The following MTHFD2L variants were observed in gnomAD, a reference collection of about 807,000 sequenced individuals.
MTHFD2L encodes the protein bifunctional methylenetetrahydrofolate dehydrogenase/cyclohydrolase 2, mitochondrial.
Under a neutral mutation model 34.9 loss-of-function variants are expected in MTHFD2L, and 29 were observed. That is an observed-to-expected ratio of 0.83 (90% CI 0.62 to 1.13). The LOEUF (loss-of-function observed/expected upper bound fraction) is 1.13. MTHFD2L is among the 50% of genes most tolerant of loss of function. MTHFD2L has a pLI of 0.00. For missense variants in MTHFD2L, 481 were observed against 446.5 expected (o/e 1.08, Z -0.70); for synonymous variants, 167 against 155.7 (o/e 1.07, Z -0.54).
rs1337145428 is a variant in MTHFD2L, at chr4:74,205,284, G to A, written c.712+3914G>A. On this transcript the variant is annotated intron_variant, in intron 5 of 7. Transcript: ENST00000325278. The stretch of plus-strand genomic sequence containing the variant: ...GTGTCTGTTAGGGCAATAATTATGG[G>A]CAGTGACTCCATGTGCATTGTTAGC... Among the ~76,000 whole-genome samples, 8 of 152,242 alleles carry A rather than the reference G, an allele frequency of 5.3e-5. No individual in the cohort carries two copies. The East Asian group carries it at 1.5e-3, about 29-fold the overall frequency.
chr4:74,173,487 G>A (rs552454174), intron 1 of MTHFD2L, among the ~76,000 whole-genome samples: 2 of 152,188 alleles, frequency 1.3e-5, no homozygotes, highest in East Asian at 3.8e-4. Context: ...TGACAAGCAT[G>A]GCAAGACTCA....
At chr4:74,130,142 A>G (rs1331644816) in intron 1 of MTHFD2L, among the ~76,000 whole-genome samples, 1 of 152,190 alleles carries the variant, frequency 6.6e-6, no homozygotes, top group Admixed American at 6.6e-5. Context: ...TTCACAGCCG[A>G]ATTCTACCAG....
intron 1 of MTHFD2L, among the ~76,000 whole-genome samples, chr4:74,144,059 G>C (rs961921199): frequency 6.6e-6 from 1 of 152,120 alleles, no homozygotes; most frequent in Non-Finnish European, 1.5e-5. Context: ...TGTGTATACT[G>C]CTCTGTATCC....
At chr4:74,298,870 T>C (rs1749952491) in intron 7 of MTHFD2L, among the ~76,000 whole-genome samples, 1 of 152,004 alleles carries the variant, frequency 6.6e-6, no homozygotes, top group Non-Finnish European at 1.5e-5. Flanking sequence ...GGTGAAATTA[T>C]GGGATTATAG....
intron 6 of MTHFD2L, among the ~76,000 whole-genome samples, chr4:74,255,972 C>G (rs1743975356): frequency 2.0e-5 from 3 of 152,110 alleles, no homozygotes. Flanking sequence ...GAGTATATGT[C>G]TTTTTACTAG....
In MTHFD2L at chr4:74,301,718, T is replaced by G. The variant is rs899108323; in HGVS notation, c.953T>G (p.Phe318Cys). Residue 318 changes from phenylalanine (F) to cysteine (C), a missense_variant, in exon 8 of 8, where the codon TTT (phenylalanine) becomes TGT (cysteine). Physicochemically the swap from Phe to Cys is radical, Grantham distance 205 (BLOSUM62 -2). Coordinates refer to ENST00000325278, the MANE Select transcript of MTHFD2L (RefSeq NM_001144978.3). The stretch of plus-strand genomic sequence containing the variant: ...TCAGCTGTTAAAAAGAAAGCTGGCT[T>G]TATCACTCCAGTTCCAGGAGGTGTG... ...DFEAVKKKAG[F>C]ITPVPGGVGP... 2.5e-6 allele frequency: 4 copies of G among 1,590,776 alleles called. No individual in the cohort carries two copies. In the Admixed American group the frequency reaches 7.1e-5, roughly 28 times the overall value.
intron 6 of MTHFD2L, chr4:74,267,266 A>G: frequency 1.0e-6 from 1 of 979,644 alleles, no homozygotes; most frequent in Non-Finnish European, 1.2e-6. Context: ...TGCAGGAAAT[A>G]CATTTCTTTT....
intron 1 of MTHFD2L, among the ~76,000 whole-genome samples, chr4:74,133,027 T>A (rs189753141): frequency 6.6e-6 from 1 of 152,324 alleles, no homozygotes; most frequent in East Asian, 1.9e-4. Context: ...ATGTTAGCAT[T>A]TTTTAATTTC....
chr4:74,247,348 G>A (rs1371236836), intron 6 of MTHFD2L, among the ~76,000 whole-genome samples: 3 of 151,156 alleles, frequency 2.0e-5, no homozygotes, highest in Non-Finnish European at 4.4e-5. Flanking sequence ...AGACTTTGCT[G>A]AATTTGCTTA....
At chr4:74,181,690 C>A (rs890990761) in intron 3 of MTHFD2L, 3 of 152,128 alleles carry the variant, frequency 2.0e-5, no homozygotes, top group Non-Finnish European at 2.9e-5. Flanking sequence ...CTTCAGTTGT[C>A]TAGTTTGAAG....
chr4:74,210,482 G>T (rs1053127224), intron 5 of MTHFD2L, among the ~76,000 whole-genome samples: 2 of 152,066 alleles, frequency 1.3e-5, no homozygotes, highest in Non-Finnish European at 2.9e-5. Flanking sequence ...TGTCAGGTTT[G>T]TCATAGATCA....
At chr4:74,295,778 C>T (rs1009344689) in intron 7 of MTHFD2L, among the ~76,000 whole-genome samples, 2 of 152,068 alleles carry the variant, frequency 1.3e-5, no homozygotes, top group African/African-American at 4.8e-5. Context: ...ACAGTGTTTC[C>T]AAGAGTTCAG....
At chr4:74,232,634 G>A (rs368656672) in intron 6 of MTHFD2L, among the ~76,000 whole-genome samples, 12 of 152,200 alleles carry the variant, frequency 7.9e-5, no homozygotes, top group South Asian at 4.2e-4. Flanking sequence ...AGAAAACTTG[G>A]ACAATAGAGA....
intron 7 of MTHFD2L, among the ~76,000 whole-genome samples, chr4:74,292,893 C>T (rs1749135760): frequency 6.6e-6 from 1 of 151,892 alleles, no homozygotes; most frequent in African/African-American, 2.4e-5. Flanking sequence ...GGTACATGTG[C>T]ACAATGTGCA....
chr4:74,246,073 A>G (rs1276963431), intron 6 of MTHFD2L, among the ~76,000 whole-genome samples: 2 of 142,182 alleles, frequency 1.4e-5, no homozygotes, highest in African/African-American at 5.5e-5. Flanking sequence ...ACAATGGTTG[A>G]ACTAGTTTAC....
chr4:74,278,707 A>G (rs1274255761), intron 6 of MTHFD2L, among the ~76,000 whole-genome samples: 2 of 152,024 alleles, frequency 1.3e-5, no homozygotes, highest in East Asian at 3.9e-4. Flanking sequence ...GCTTGTTTTC[A>G]TGGCCATGAC....
At chr4:74,263,491 C>G (rs1744928427) in intron 6 of MTHFD2L, among the ~76,000 whole-genome samples, 1 of 151,772 alleles carries the variant, frequency 6.6e-6, no homozygotes, top group South Asian at 2.1e-4. Context: ...TTTGTGTCAT[C>G]TCTGATTTCT....
At chr4:74,240,854 G>A (rs1180718260) in intron 6 of MTHFD2L, among the ~76,000 whole-genome samples, 1 of 152,160 alleles carries the variant, frequency 6.6e-6, no homozygotes, top group Non-Finnish European at 1.5e-5. Context: ...TGGAAACAAT[G>A]TATTAAACTG....
At chr4:74,168,560 A>G (rs1372445963) in intron 1 of MTHFD2L, among the ~76,000 whole-genome samples, 2 of 152,210 alleles carry the variant, frequency 1.3e-5, no homozygotes, top group African/African-American at 2.4e-5. Context: ...ATCTTCTTCA[A>G]CTAGAATATA....
Sources: gnomAD v4.1 joint callset for allele counts (sites outside exome capture counted in the v4.1 genomes callset) on GRCh38, gnomAD v4.1.1 for gene constraint, MANE v1.5 for transcripts, NCBI Gene and HGNC (gene_info 2026-07-23, HGNC 2026-07-21) for gene names.